NOX3: variants seen among roughly 807,000 people sequenced by gnomAD.
NOX3 encodes NADPH oxidase 3.
A neutral mutation model predicts 76.7 loss-of-function variants in NOX3; 74 were observed. The observed-to-expected ratio is 0.96, with a 90% CI of 0.80 to 1.17. The LOEUF is 1.17. NOX3 is among the 50% of genes most tolerant of loss of function. NOX3 has a pLI of 0.00. For missense variants in NOX3, 695 were observed against 703.3 expected, an observed-to-expected ratio of 0.99 and a Z score of 0.13; for synonymous variants, 263 against 261.1, an observed-to-expected ratio of 1.01 and a Z score of -0.07.
intron 8 of NOX3, among the ~76,000 whole-genome samples, chr6:155,429,922 T>TTC (rs1423380473): frequency 6.6e-6 from 1 of 152,242 alleles, no homozygotes; most frequent in East Asian, 1.9e-4. Flanking sequence ...GTCTCCCTCG[T>TTC]AACAGCTCGA....
At chr6:155,430,447 G>A (rs1266612949) in intron 8 of NOX3, among the ~76,000 whole-genome samples, 1 of 151,848 alleles carries the variant, frequency 6.6e-6, no homozygotes, top group Non-Finnish European at 1.5e-5. Flanking sequence ...CAGTGAGAGT[G>A]TATAGATTTG....
chr6:155,396,096 G>C (rs1215556786), intron 13 of NOX3, among the ~76,000 whole-genome samples: 1 of 152,146 alleles, frequency 6.6e-6, no homozygotes, highest in African/African-American at 2.4e-5. Context: ...ATTTGAAAAA[G>C]AGTAACAAGA....
intron 12 of NOX3, 108 bp from the exon 13 acceptor site, chr6:155,397,070 T>G: frequency 9.5e-7 from 1 of 1,048,306 alleles, no homozygotes; most frequent in Non-Finnish European, 1.3e-6. Flanking sequence ...TACTTATTTA[T>G]TTTTCTCCCT....
intron 1 of NOX3, 77 bp downstream of exon 1, chr6:155,455,676 T>G: frequency 8.8e-7 from 1 of 1,140,164 alleles, no homozygotes; most frequent in Admixed American, 1.8e-5. Flanking sequence ...TATTTAGCGT[T>G]CCTATACAAG....
rs141598038 is a variant in NOX3, at chr6:155,416,419, G to A, written c.1309-5059C>T. Among the ~76,000 whole-genome samples the A allele has an allele frequency of 9.9e-5, 15 of 152,282 alleles. No individual in the cohort carries two copies. The East Asian group carries it at 2.7e-3, about 27-fold the overall frequency. The stretch of plus-strand genomic sequence containing the variant: ...TTTTGTTTTTGTTAAGGGAATCCTG[G>A]ATTAATACAATAGCAAATAAGAAGA... On this transcript the variant is annotated intron_variant, in intron 10 of 13. Transcript: ENST00000159060.
At chr6:155,418,353 C>T (rs1446248067) in intron 10 of NOX3, among the ~76,000 whole-genome samples, 2 of 152,208 alleles carry the variant, frequency 1.3e-5, no homozygotes, top group African/African-American at 4.8e-5. Flanking sequence ...CTCCATATTG[C>T]ATCACAGAGA....
rs199928709 is a variant in NOX3, at chr6:155,429,002, G to C, written c.937C>G (p.Arg313Gly). Residue 313 changes from arginine to glycine, a missense_variant, in exon 9 of 14, where the codon CGT becomes GGT. Physicochemically the swap from Arg to Gly is moderately radical, Grantham distance 125 (BLOSUM62 -2). Coordinates refer to ENST00000159060, the MANE Select transcript of NOX3 (RefSeq NM_015718.3). ...SGVLELHMKK[R>G]GFKMAPGQYI... ...TGCCCTGGCGCCATTTTAAAGCCAC[G>C]CTTTTTCATGTGAAGTTCCAGGACT... 6.2e-6 allele frequency: 10 copies of C among 1,610,876 alleles called. No homozygotes were observed. The highest frequency in any genetic ancestry group is 1.7e-5 in the Admixed American group (1 of 59,826).
chr6:155,422,261 C>T (rs1184661355), intron 10 of NOX3, among the ~76,000 whole-genome samples: 7 of 152,266 alleles, frequency 4.6e-5, no homozygotes, highest in South Asian at 4.2e-4. Context: ...CACAGCAAGC[C>T]GGCCAATAAA....
intron 10 of NOX3, among the ~76,000 whole-genome samples, chr6:155,412,720 C>T (rs952963815): frequency 6.6e-6 from 1 of 152,150 alleles, no homozygotes; most frequent in African/African-American, 2.4e-5. Flanking sequence ...TTGTGACACC[C>T]TCTGAATCCC....
rs985592169 is a variant in NOX3, at chr6:155,403,186, C to G, written c.1580+3944G>C. On this transcript the variant is annotated intron_variant, in intron 12 of 13. Coordinates refer to ENST00000159060, the MANE Select transcript of NOX3 (RefSeq NM_015718.3). ...AAAAATTAGATTTTATTGGCATTCT[C>G]TTTCCGAGATTTCTTCATTAAAAGC... Among the ~76,000 whole-genome samples, 9 of 152,320 alleles carry G rather than the reference C, an allele frequency of 5.9e-5. No homozygotes were observed. The South Asian group carries it at 8.3e-4, about 14-fold the overall frequency.
At chr6:155,407,011 G>T in intron 12 of NOX3, 119 bp downstream of exon 12, 1 of 1,099,582 alleles carries the variant, frequency 9.1e-7, no homozygotes. Flanking sequence ...CCTTTTCTAA[G>T]GTAGATGTTT....
chr6:155,438,296 A>G (rs1450882403), intron 6 of NOX3, among the ~76,000 whole-genome samples: 2 of 152,210 alleles, frequency 1.3e-5, no homozygotes, highest in Non-Finnish European at 2.9e-5. Context: ...GCCCATCCCA[A>G]GTACAAAAAG....
At chr6:155,439,865 C>T (rs1186966640) in intron 6 of NOX3, 91 bp downstream of exon 6, 2 of 1,188,000 alleles carry the variant, frequency 1.7e-6, no homozygotes, top group Non-Finnish European at 2.3e-6. Flanking sequence ...GTAGTCACCG[C>T]ACGCCGGCTC....
At chr6:155,396,175 A>T (rs926010912) in intron 13 of NOX3, among the ~76,000 whole-genome samples, 1 of 152,194 alleles carries the variant, frequency 6.6e-6, no homozygotes, top group Non-Finnish European at 1.5e-5. Context: ...GGACCAGAAA[A>T]GGGATAGGAA....
At chr6:155,404,883 C>A (rs1776424636) in intron 12 of NOX3, among the ~76,000 whole-genome samples, 1 of 152,080 alleles carries the variant, frequency 6.6e-6, no homozygotes, top group Non-Finnish European at 1.5e-5. Context: ...GGACAGCTAC[C>A]TGATCACTCC....
At chr6:155,425,503 C>G (rs565941244) in intron 9 of NOX3, among the ~76,000 whole-genome samples, 1 of 152,292 alleles carries the variant, frequency 6.6e-6, no homozygotes, top group South Asian at 2.1e-4. Context: ...GCTCTCTGAA[C>G]TGACTGCATT....
chr6:155,455,106 A>G lies in NOX3; in HGVS notation c.72T>C (p.Phe24=), dbSNP rs776648472. The G allele has an allele frequency of 1.9e-6, 3 of 1,612,432 alleles. No individual in the cohort carries two copies. The highest frequency in any genetic ancestry group is 2.5e-6 in the Non-Finnish European group (3 of 1,178,862). ...ILVLSWLGIN[F]YLFIDTFYWY... is the part of the protein sequence containing the mutation. Reference sequence around the variant, plus strand: ...AGTAGAACGTGTCAATAAACAGATAAAAATTTATTCCCAGCCATGAGAGCT... The same window carrying G: ...AGTAGAACGTGTCAATAAACAGATAGAAATTTATTCCCAGCCATGAGAGCT... The change falls in exon 2 of 14, where the codon TTT becomes TTC. Residue 24 remains phenylalanine (F), a synonymous_variant. Coordinates refer to ENST00000159060, the MANE Select transcript of NOX3 (RefSeq NM_015718.3).
intron 7 of NOX3, among the ~76,000 whole-genome samples, chr6:155,435,672 T>C (rs1776894864): frequency 6.6e-6 from 1 of 152,222 alleles, no homozygotes; most frequent in South Asian, 2.1e-4. Context: ...CTACTGTTTA[T>C]CTGCCAGATG....
chr6:155,439,937 G>A lies in NOX3; in HGVS notation c.668+19C>T, dbSNP rs750645665. The A allele has an allele frequency of 6.9e-6, 11 of 1,597,594 alleles. No individual in the cohort carries two copies. The Admixed American group carries it at 1.8e-4, about 26-fold the overall frequency. ...TCTCAGAGATAAAATCCTTGCAGAG[G>A]AGCGCAGTATGGACTTACCCCGTCC... On this transcript the variant is annotated intron_variant, in intron 6 of 13. Transcript: ENST00000159060.
Sources: gnomAD v4.1 joint callset for allele counts (sites outside exome capture counted in the v4.1 genomes callset) on GRCh38, gnomAD v4.1.1 for gene constraint, MANE v1.5 for transcripts, NCBI Gene and HGNC (gene_info 2026-07-23, HGNC 2026-07-21) for gene names.